AFF2: variants seen among roughly 807,000 people sequenced by gnomAD.
The protein encoded by AFF2 is AF4/FMR2 family member 2.
AFF2 carries 14 observed loss-of-function variants against 76.9 expected under a neutral mutation model. That is an observed-to-expected ratio of 0.18 (90% CI 0.12 to 0.28). AFF2 has a LOEUF of 0.28. AFF2 is among the 10% of genes least tolerant of loss of function. The pLI is 1.00. For missense variants in AFF2, 868 were observed against 1,001.1 expected, an observed-to-expected ratio of 0.87 and a Z score of 1.79; for synonymous variants, 398 against 366.7, an observed-to-expected ratio of 1.09 and a Z score of -0.98.
In AFF2 at chrX:148,966,796, G is replaced by A; in HGVS notation, c.2920G>A (p.Asp974Asn). 2.5e-6 allele frequency: 3 copies of A among 1,209,815 alleles called. No individual in the cohort carries two copies. Among genetic ancestry groups the A allele is most frequent in the Non-Finnish European group, 3.4e-6 (3 of 894,549 alleles). Residue 974 changes from aspartate to asparagine, a missense_variant, in exon 14 of 21, where the codon GAC becomes AAC. Around this residue, in one of 6 missense-constraint regions of AFF2, gnomAD observed 532 missense variants for 564.2 expected, o/e 0.94. Transcript: ENST00000370460. Reference sequence around the variant, plus strand: ...TTGTCCTCCTTTTTCCCAGGAGGGAGACACTCCAAAAAAGGCATCCTCTGC... The same window carrying A: ...TTGTCCTCCTTTTTCCCAGGAGGGAAACACTCCAAAAAAGGCATCCTCTGC... ...TFKGISVNEG[D>N]TPKKASSATI...
At chrX:148,576,793 A>ATGTGTG (rs60411417) in intron 1 of AFF2, among the ~76,000 whole-genome samples, 228 of 103,460 alleles carry the variant, frequency 2.2e-3, no homozygotes, top group African/African-American at 3.6e-3. Context: ...GTGTGTGTGT[A>ATGTGTG]TGTGTGTGTG....
At chrX:148,559,719 T>C (rs2053089500) in intron 1 of AFF2, among the ~76,000 whole-genome samples, 1 of 112,033 alleles carries the variant, frequency 8.9e-6, no homozygotes, top group Non-Finnish European at 1.9e-5. Flanking sequence ...CTATTGTGAA[T>C]AATGGTGCAG....
intron 1 of AFF2, among the ~76,000 whole-genome samples, chrX:148,636,266 CAAT>C (rs781788001): frequency 9.0e-6 from 1 of 111,676 alleles, no homozygotes; most frequent in Admixed American, 9.5e-5. Flanking sequence ...CTCTAAGTAA[CAAT>C]AAATTATGTT....
At chrX:148,967,425 A>G (rs1557288940) in intron 14 of AFF2, among the ~76,000 whole-genome samples, 2 of 112,099 alleles carry the variant, frequency 1.8e-5, no homozygotes, top group African/African-American at 6.5e-5. Flanking sequence ...GCATGTGGTT[A>G]TTTATCCTAA....
chrX:148,805,362 G>GA (rs2070115724), intron 3 of AFF2, among the ~76,000 whole-genome samples: 3 of 111,344 alleles, frequency 2.7e-5, no homozygotes, highest in Non-Finnish European at 5.7e-5. Context: ...GATTTTATGG[G>GA]AAAAAATGAC....
chrX:148,946,951 T>C (rs782810324), intron 9 of AFF2, among the ~76,000 whole-genome samples: 2 of 112,382 alleles, frequency 1.8e-5, no homozygotes, highest in Non-Finnish European at 3.8e-5. Context: ...AGTAACATAT[T>C]CAGAAGTTCT....
At chrX:148,618,334 A>G (rs1557250776) in intron 1 of AFF2, among the ~76,000 whole-genome samples, 1 of 111,512 alleles carries the variant, frequency 9.0e-6, no homozygotes, top group African/African-American at 3.3e-5. Context: ...CAGGAAACAT[A>G]CAGTCATGGT....
rs1322440481 is a variant in AFF2 at position 148,995,899 on chromosome X, A to G, written c.*4567A>G. 1.8e-5 allele frequency: 2 copies of G among 112,694 alleles called. No homozygotes were observed. The highest frequency in any genetic ancestry group is 5.6e-4 in the East Asian group (2 of 3,555). The allele number at this position is 112,694 out of a possible 1,213,427, so 9.3% of individuals were successfully genotyped here. On this transcript the variant is annotated 3_prime_UTR_variant, in exon 21 of 21. Coordinates refer to ENST00000370460, the MANE Select transcript of AFF2 (RefSeq NM_002025.4). Reference sequence around the variant, plus strand: ...GCTGGTGAGCAGCAGCATGCAGACCAGCTGTGGGAAGCCTCCTGAAGAATG... The same window carrying G: ...GCTGGTGAGCAGCAGCATGCAGACCGGCTGTGGGAAGCCTCCTGAAGAATG...
chrX:148,835,686 T>C (rs1241719866), intron 4 of AFF2, among the ~76,000 whole-genome samples: 4 of 109,746 alleles, frequency 3.6e-5, no homozygotes, highest in Non-Finnish European at 7.6e-5. Context: ...GGTTTCACTA[T>C]GTTGGCCAGG....
chrX:148,511,696 G>A (rs1044303760), intron 1 of AFF2, among the ~76,000 whole-genome samples: 2 of 112,729 alleles, frequency 1.8e-5, no homozygotes, highest in African/African-American at 6.4e-5. Context: ...CAAGAAAGAT[G>A]AGAATCAGAG....
intron 7 of AFF2, among the ~76,000 whole-genome samples, chrX:148,849,816 C>A (rs1283198238): frequency 2.7e-5 from 3 of 111,826 alleles, no homozygotes; most frequent in African/African-American, 9.8e-5. Flanking sequence ...AGAACATATG[C>A]TCTTAACTTA....
chrX:148,822,776 A>G (rs1557272659), intron 4 of AFF2, among the ~76,000 whole-genome samples: 3 of 108,105 alleles, frequency 2.8e-5, no homozygotes, highest in Non-Finnish European at 1.9e-5. Flanking sequence ...TAAACACTCC[A>G]TTCCCCAAAG....
At chrX:148,618,066 ATATC>A (rs1259085577) in intron 1 of AFF2, among the ~76,000 whole-genome samples, 1 of 111,641 alleles carries the variant, frequency 9.0e-6, no homozygotes, top group African/African-American at 3.3e-5. Context: ...TTATGTATGA[ATATC>A]TATAGTTTAT....
At chrX:148,719,329 G>A (rs2055065382) in intron 3 of AFF2, 1 of 603,017 alleles carries the variant, frequency 1.7e-6, no homozygotes, top group Admixed American at 2.8e-5. Flanking sequence ...ATCACAGTGA[G>A]GTATTTCCTT....
intron 1 of AFF2, among the ~76,000 whole-genome samples, chrX:148,551,223 G>T (rs2052986007): frequency 9.1e-6 from 1 of 110,278 alleles, no homozygotes; most frequent in African/African-American, 3.3e-5. Flanking sequence ...ATTCTCAGAA[G>T]AATGAAAGTG....
intron 9 of AFF2, among the ~76,000 whole-genome samples, chrX:148,927,713 C>T (rs2071669127): frequency 8.9e-6 from 1 of 112,253 alleles, no homozygotes; most frequent in African/African-American, 3.2e-5. Context: ...ATGTTGACTT[C>T]TTTCATGGAG....
intron 1 of AFF2, among the ~76,000 whole-genome samples, chrX:148,585,232 T>C (rs1404940203): frequency 9.0e-6 from 1 of 111,501 alleles, no homozygotes; most frequent in Non-Finnish European, 1.9e-5. Flanking sequence ...AGCTACTGGG[T>C]ACAAACATAG....
At chrX:148,596,952 G>T (rs1427312877) in intron 1 of AFF2, among the ~76,000 whole-genome samples, 3 of 111,754 alleles carry the variant, frequency 2.7e-5, no homozygotes, top group Non-Finnish European at 5.6e-5. Flanking sequence ...AATGGACCAT[G>T]TTAACACTTC....
intron 1 of AFF2, among the ~76,000 whole-genome samples, chrX:148,630,446 A>G (rs1335468842): frequency 8.9e-6 from 1 of 112,001 alleles, no homozygotes; most frequent in Non-Finnish European, 1.9e-5. Context: ...TTTTCCTCAA[A>G]GACTTCCCTG....
Sources: gnomAD v4.1 joint callset for allele counts (sites outside exome capture counted in the v4.1 genomes callset) on GRCh38, gnomAD v4.1.1 for gene constraint, gnomAD v4.1.1 regional missense constraint, MANE v1.5 for transcripts, NCBI Gene and HGNC (gene_info 2026-07-23, HGNC 2026-07-21) for gene names.